The following ROS1 variants were observed in gnomAD, a reference collection of about 807,000 sequenced individuals.
The protein encoded by ROS1 is ROS proto-oncogene 1, receptor tyrosine kinase, also known as proto-oncogene tyrosine-protein kinase ROS.
In ROS1, 263 loss-of-function variants were observed where a neutral mutation model predicts 273.5. That is an observed-to-expected ratio of 0.96 (90% confidence interval 0.87 to 1.06). The LOEUF is 1.06. Among genes scored for constraint, ROS1 ranks in the 50% least tolerant of loss-of-function variants. ROS1 has a pLI of 0.00. For synonymous variants in ROS1, 1,008 were observed against 954.1 expected (o/e 1.06, Z -1.04); for missense variants, 2,833 against 2,751.1 (o/e 1.03, Z -0.67).
chr6:117,376,511 C>T (rs1455645959), intron 18 of ROS1, among the ~76,000 whole-genome samples: 1 of 152,010 alleles, frequency 6.6e-6, no homozygotes, highest in Non-Finnish European at 1.5e-5. Context: ...ACTACTATAA[C>T]TCTTACTAAA....
chr6:117,305,151 G>A (rs1250254334), intron 42 of ROS1, among the ~76,000 whole-genome samples: 1 of 152,054 alleles, frequency 6.6e-6, no homozygotes, highest in African/African-American at 2.4e-5. Context: ...AACTAATACA[G>A]GTATTATTCT....
chr6:117,341,508 T>C lies in ROS1; in HGVS notation c.4776A>G (p.Ser1592=). The C allele has an allele frequency of 1.2e-6, 2 of 1,611,502 alleles. No individual in the cohort carries two copies. Among genetic ancestry groups the C allele is most frequent in the Non-Finnish European group, 1.7e-6 (2 of 1,177,726 alleles). Residue 1592 remains serine (S), a synonymous_variant, in exon 30 of 44, where the codon TCA becomes TCG. Coordinates refer to ENST00000368507, the MANE Select transcript of ROS1 (RefSeq NM_001378902.1). ...GAGTTTCAGGAATTAGGGCCAGGTG[T>C]GAGATTGCCAACTGATAACGGACTG... ...KESVRYQLAI[S]HLALIPETPL...
At chr6:117,404,502 C>A in intron 5 of ROS1, 74 bp from the exon 6 acceptor site, 1 of 1,368,406 alleles carries the variant, frequency 7.3e-7, no homozygotes, top group Non-Finnish European at 1.0e-6. Context: ...CCTCTCTCAT[C>A]TAGGGCTCTC....
chr6:117,386,805 C>T lies in ROS1; in HGVS notation c.2110+84G>A, dbSNP rs750589520. 6.0e-5 allele frequency: 39 copies of T among 651,784 alleles called. No homozygotes were observed. The Middle Eastern group carries it at 7.8e-4, about 13-fold the overall frequency. 40.4% of individuals were successfully genotyped at this position (651,784 alleles called of 1,614,324 possible). Reference sequence around the variant, plus strand: ...ACTATTGACCAAATACAAAAATACCCTATTCTTTTGATTCATTGAATGATG... The same window carrying T: ...ACTATTGACCAAATACAAAAATACCTTATTCTTTTGATTCATTGAATGATG... On this transcript the variant is annotated intron_variant, in intron 15 of 43. Coordinates refer to ENST00000368507, the MANE Select transcript of ROS1 (RefSeq NM_001378902.1).
At chr6:117,320,102 G>C (rs1259617066) in intron 36 of ROS1, 72 bp from the exon 37 acceptor site, 1 of 1,346,188 alleles carries the variant, frequency 7.4e-7, no homozygotes, top group Admixed American at 2.0e-5. Context: ...GTTGGTATTG[G>C]TATTTGTGTT....
intron 24 of ROS1, among the ~76,000 whole-genome samples, chr6:117,359,353 A>G (rs980107191): frequency 1.3e-5 from 2 of 152,174 alleles, no homozygotes; most frequent in African/African-American, 2.4e-5. Flanking sequence ...ATCTCATTTA[A>G]TCTTCATGGG....
intron 39 of ROS1, 36 bp from the exon 40 acceptor site, chr6:117,311,153 C>G (rs1257762969): frequency 7.8e-7 from 1 of 1,283,330 alleles, no homozygotes; most frequent in Non-Finnish European, 1.1e-6. Context: ...AGGTAGTTAT[C>G]TAGTTTGCAT....
intron 27 of ROS1, among the ~76,000 whole-genome samples, chr6:117,345,879 C>CCAAGAATT (rs1220271321): frequency 1.3e-5 from 2 of 152,090 alleles, no homozygotes; most frequent in African/African-American, 2.4e-5. Context: ...TCTGGGAATT[C>CCAAGAATT]CAAATATGAA....
At chr6:117,357,445 A>T (rs1779415220) in intron 25 of ROS1, among the ~76,000 whole-genome samples, 1 of 152,208 alleles carries the variant, frequency 6.6e-6, no homozygotes, top group African/African-American at 2.4e-5. Context: ...AATAACTTTT[A>T]CTGTGCAAGG....
chr6:117,349,848 C>A (rs75909794), intron 27 of ROS1, among the ~76,000 whole-genome samples: 14,669 of 151,950 alleles, frequency 0.097, 885 homozygotes, highest in Middle Eastern at 0.14. Context: ...GTTTGCAGTA[C>A]CTTATAATAA....
At position 117,389,655 on chromosome 6, in the gene ROS1, G is replaced by A. The variant is rs1772888531; in HGVS notation, c.1481C>T (p.Ser494Phe). The A allele has an allele frequency of 6.2e-7, 1 of 1,614,208 alleles. No homozygotes were observed. The highest frequency in any genetic ancestry group is 8.5e-7 in the Non-Finnish European group (1 of 1,180,032). Reference sequence around the variant, plus strand: ...GCGAGGTAGGATGAGATGGGAAGCAGAGCCATCCAGAAATGTTGACATGAA... The same window carrying A: ...GCGAGGTAGGATGAGATGGGAAGCAAAGCCATCCAGAAATGTTGACATGAA... ...QVFMSTFLDG[S>F]ASHLILPRIP... is the part of the protein sequence containing the mutation. The change falls in exon 13 of 44, where the codon TCT becomes TTT. Residue 494 changes from serine to phenylalanine, a missense_variant. Transcript: ENST00000368507.
At chr6:117,300,156 T>C (rs910985442) in intron 43 of ROS1, among the ~76,000 whole-genome samples, 5 of 145,970 alleles carry the variant, frequency 3.4e-5, no homozygotes, top group African/African-American at 1.3e-4. Context: ...TTTCACTGTG[T>C]TAGCCAGGAT....
At position 117,389,433 on chromosome 6, in the gene ROS1, C is replaced by T. The variant is rs2128704008; in HGVS notation, c.1703G>A (p.Gly568Asp). ...GSSSQLHPLP[G>D]RPQELSVLFG... ...CAGCACCGAAAGCTCCTGCGGGCGG[C>T]CTGGCAGAGGGTGCAGCTGGGAGGA... The change falls in exon 13 of 44, where the codon GGC (glycine) becomes GAC (aspartate). Residue 568 changes from glycine to aspartate, a missense_variant. Gly to Asp is a moderately conservative substitution (Grantham distance 94, BLOSUM62 -1). Transcript: ENST00000368507. The T allele has an allele frequency of 6.2e-7, 1 of 1,614,120 alleles. No individual in the cohort carries two copies. The highest frequency in any genetic ancestry group is 8.5e-7 in the Non-Finnish European group (1 of 1,180,032).
intron 43 of ROS1, 92 bp downstream of exon 43, chr6:117,300,881 CT>C: frequency 1.0e-6 from 1 of 969,570 alleles, no homozygotes. Context: ...TTCTTTTTGC[CT>C]ACCCCAAAAT....
intron 33 of ROS1, among the ~76,000 whole-genome samples, chr6:117,327,140 G>A (rs560623340): frequency 6.6e-6 from 1 of 152,286 alleles, no homozygotes; most frequent in Non-Finnish European, 1.5e-5. Flanking sequence ...CCAATCCACG[G>A]TAAGCTTAGG....
intron 6 of ROS1, among the ~76,000 whole-genome samples, 189 bp downstream of exon 6, chr6:117,404,091 C>T (rs1173903909): frequency 1.3e-5 from 2 of 152,152 alleles, no homozygotes; most frequent in Non-Finnish European, 2.9e-5. Context: ...AAAAATTAGC[C>T]GGGCGCGATG....
chr6:117,384,955 C>A (rs1772441709), intron 16 of ROS1, among the ~76,000 whole-genome samples: 4 of 152,216 alleles, frequency 2.6e-5, no homozygotes, highest in Admixed American at 2.6e-4. Flanking sequence ...ACAGCTACAG[C>A]CCTCACCAGG....
chr6:117,389,077 G>C (rs925249341), intron 13 of ROS1, among the ~76,000 whole-genome samples: 2 of 152,180 alleles, frequency 1.3e-5, no homozygotes, highest in African/African-American at 4.8e-5. Flanking sequence ...TATTTGTTCT[G>C]ACTAGAATGT....
chr6:117,304,079 C>A (rs181953762), intron 42 of ROS1, among the ~76,000 whole-genome samples: 1 of 152,164 alleles, frequency 6.6e-6, no homozygotes, highest in Non-Finnish European at 1.5e-5. Context: ...GATGACTTCA[C>A]ATGTATTACA....
Sources: allele counts gnomAD v4.1 joint callset (sites outside exome capture counted in the v4.1 genomes callset), GRCh38; gene constraint gnomAD v4.1.1; transcripts MANE v1.5; gene names NCBI Gene and HGNC (gene_info 2026-07-23, HGNC 2026-07-21).